PRDM5: variants seen among roughly 807,000 people sequenced by gnomAD.
The protein encoded by PRDM5 is PR/SET domain 5, also known as PR domain zinc finger protein 5.
A neutral mutation model predicts 81.2 loss-of-function variants in PRDM5; 56 were observed. The observed-to-expected ratio is 0.69, with a 90% CI of 0.56 to 0.86. The LOEUF (loss-of-function observed/expected upper bound fraction) is 0.86. Among genes scored for constraint, PRDM5 ranks in the 40% least tolerant of loss-of-function variants. The probability of loss-of-function intolerance (pLI) is 0.00; values close to 1 mark genes in which losing one functional copy is unlikely to be tolerated. For missense variants in PRDM5, 697 were observed against 770.1 expected, an observed-to-expected ratio of 0.91 and a Z score of 1.12; for synonymous variants, 267 against 256.4, an observed-to-expected ratio of 1.04 and a Z score of -0.39.
At chr4:120,713,585 C>A (rs1737321103) in intron 14 of PRDM5, among the ~76,000 whole-genome samples, 1 of 152,092 alleles carries the variant, frequency 6.6e-6, no homozygotes, top group Non-Finnish European at 1.5e-5. Context: ...GTTATTATCT[C>A]TATTTCTTTC....
At chr4:120,900,971 C>A (rs1765165295) in intron 2 of PRDM5, among the ~76,000 whole-genome samples, 1 of 152,166 alleles carries the variant, frequency 6.6e-6, no homozygotes, top group Non-Finnish European at 1.5e-5. Context: ...GCTATTGTTA[C>A]CCATTCACTT....
downstream of PRDM5, among the ~76,000 whole-genome samples, chr4:120,690,822 A>G (rs929269757): frequency 6.6e-6 from 1 of 152,102 alleles, no homozygotes; most frequent in Non-Finnish European, 1.5e-5. Flanking sequence ...ACTGTTTTGC[A>G]TTGATTTAGA....
intron 14 of PRDM5, among the ~76,000 whole-genome samples, chr4:120,737,209 G>C (rs544220792): frequency 6.6e-6 from 1 of 152,290 alleles, no homozygotes; most frequent in Admixed American, 6.5e-5. Flanking sequence ...AGAGCCAGAT[G>C]ACAAGAATGG....
At chr4:120,787,242 G>A (rs1319497282) in intron 10 of PRDM5, among the ~76,000 whole-genome samples, 2 of 152,106 alleles carry the variant, frequency 1.3e-5, no homozygotes, top group African/African-American at 2.4e-5. Context: ...GGGTGACCTA[G>A]TCAAGAAACA....
intron 10 of PRDM5, among the ~76,000 whole-genome samples, chr4:120,795,714 A>C (rs1223063492): frequency 6.6e-6 from 1 of 152,120 alleles, no homozygotes; most frequent in Non-Finnish European, 1.5e-5. Context: ...GGAGTTCTAG[A>C]CCAGCCTGGC....
chr4:120,788,967 C>A (rs1256743398), intron 10 of PRDM5, among the ~76,000 whole-genome samples: 1 of 152,198 alleles, frequency 6.6e-6, no homozygotes, highest in African/African-American at 2.4e-5. Flanking sequence ...ATATATTTTA[C>A]AAGTATCAGA....
chr4:120,717,062 G>GAAA lies in PRDM5; in HGVS notation c.1624-6652_1624-6650dup, dbSNP rs5861486. 2.1e-3 allele frequency among the ~76,000 whole-genome samples: 283 copies of GAAA among 137,630 alleles called. 1 individual carries two copies. The highest frequency in any genetic ancestry group is 1.9e-3 in the Non-Finnish European group (118 of 63,598). 90.3% of individuals were successfully genotyped at this position (137,630 alleles called of 152,430 possible). On this transcript the variant is annotated intron_variant, in intron 14 of 15. Transcript: ENST00000264808. The stretch of plus-strand genomic sequence containing the variant: ...TCCTGCTCCTTTCTTTGAACATTGT[G>GAAA]AAAAAAAAAAAAAAAAACTTCATTG...
chr4:120,815,131 T>C (rs893457082), intron 7 of PRDM5, among the ~76,000 whole-genome samples: 1 of 152,236 alleles, frequency 6.6e-6, no homozygotes, highest in African/African-American at 2.4e-5. Context: ...ACATGAAAGT[T>C]CTATTACAAT....
chr4:120,747,454 A>T (rs939553190), intron 14 of PRDM5, among the ~76,000 whole-genome samples: 1 of 152,050 alleles, frequency 6.6e-6, no homozygotes, highest in Admixed American at 6.5e-5. Context: ...ATAAAAAATT[A>T]AAAAATAAAT....
At chr4:120,895,863 G>C (rs72923566) in intron 2 of PRDM5, among the ~76,000 whole-genome samples, 3,366 of 152,236 alleles carry the variant, frequency 0.022, 132 homozygotes, top group African/African-American at 0.075. Context: ...TGTAGAGACA[G>C]GGTCTTGCTT....
chr4:120,710,647 C>T (rs188595784), intron 14 of PRDM5, among the ~76,000 whole-genome samples: 4 of 152,204 alleles, frequency 2.6e-5, no homozygotes, highest in Admixed American at 2.6e-4. Context: ...GCTGGTTACC[C>T]CCATGCTGTT....
chr4:120,784,903 T>C lies in PRDM5; in HGVS notation c.1282+95A>G, dbSNP rs550359769. The C allele has an allele frequency of 3.4e-4, 331 of 977,494 alleles. 2 individuals are homozygous for C. Among genetic ancestry groups the C allele is most frequent in the Middle Eastern group, 2.0e-3 (9 of 4,588 alleles). The allele number at this position is 977,494 out of a possible 1,614,324, so 60.6% of individuals were successfully genotyped here. On this transcript the variant is annotated intron_variant, in intron 11 of 15. Coordinates refer to ENST00000264808, the MANE Select transcript of PRDM5 (RefSeq NM_018699.4). Reference sequence around the variant, plus strand: ...TACAGTCAGATTATATAAATACTTATAGGCACACCTCTGGGATGTCTACAT... The same window carrying C: ...TACAGTCAGATTATATAAATACTTACAGGCACACCTCTGGGATGTCTACAT...
intron 12 of PRDM5, among the ~76,000 whole-genome samples, chr4:120,778,061 C>CTA (rs2149229405): frequency 6.6e-6 from 1 of 152,180 alleles, no homozygotes; most frequent in Non-Finnish European, 1.5e-5. Context: ...AGGGTCAGAG[C>CTA]TATTTCTCAA....
intron 2 of PRDM5, among the ~76,000 whole-genome samples, chr4:120,900,918 C>T (rs1476428061): frequency 3.9e-5 from 6 of 152,140 alleles, no homozygotes; most frequent in Non-Finnish European, 8.8e-5. Flanking sequence ...AAGTCTCCCT[C>T]TCTCCTCTAT....
At chr4:120,695,342 AC>A in intron 15 of PRDM5, 67 bp from the exon 16 acceptor site, 1 of 1,543,438 alleles carries the variant, frequency 6.5e-7, no homozygotes, top group Non-Finnish European at 8.9e-7. Context: ...AAAATTTAAC[AC>A]TCACACTATT....
intron 13 of PRDM5, among the ~76,000 whole-genome samples, chr4:120,755,140 C>T (rs1041719401): frequency 5.9e-5 from 9 of 152,102 alleles, no homozygotes; most frequent in African/African-American, 2.2e-4. Context: ...TTCAAAAGGA[C>T]CATTGGTAGT....
At chr4:120,851,372 T>G (rs1304085590) in intron 3 of PRDM5, among the ~76,000 whole-genome samples, 4 of 151,786 alleles carry the variant, frequency 2.6e-5, no homozygotes, top group Non-Finnish European at 5.9e-5. Flanking sequence ...ATTAAAATAT[T>G]GACATAAATG....
At chr4:120,793,165 C>A (rs1303912957) in intron 10 of PRDM5, among the ~76,000 whole-genome samples, 5 of 152,102 alleles carry the variant, frequency 3.3e-5, no homozygotes, top group Non-Finnish European at 7.4e-5. Context: ...ACTCACATTA[C>A]CGCCTGAGCC....
chr4:120,901,961 G>GT (rs1220033911), intron 2 of PRDM5, among the ~76,000 whole-genome samples: 3 of 152,340 alleles, frequency 2.0e-5, no homozygotes, highest in Non-Finnish European at 4.4e-5. Context: ...AAAGAGGAGA[G>GT]TGAGGCAGAG....
Sources: allele counts gnomAD v4.1 joint callset (sites outside exome capture counted in the v4.1 genomes callset), GRCh38; gene constraint gnomAD v4.1.1; transcripts MANE v1.5; gene names NCBI Gene and HGNC (gene_info 2026-07-23, HGNC 2026-07-21).